The following NEB variants were observed in gnomAD, a reference collection of about 807,000 sequenced individuals.
NEB encodes the protein nebulin.
NEB carries 512 observed loss-of-function variants against 952.2 expected under a neutral mutation model. That is an observed-to-expected ratio of 0.54 (90% confidence interval 0.50 to 0.58). The LOEUF is 0.58. Ranked by LOEUF, NEB falls within the 20% of genes least tolerant of loss-of-function variation. The pLI is 0.00. For synonymous variants in NEB, 2,900 were observed against 3,149.8 expected, an observed-to-expected ratio of 0.92 and a Z score of 2.66; for missense variants, 8,428 against 9,231.1, an observed-to-expected ratio of 0.91 and a Z score of 3.56.
chr2:151,573,779 A>G (rs180884188), intron 107 of NEB, among the ~76,000 whole-genome samples: 1 of 152,148 alleles, frequency 6.6e-6, no homozygotes, highest in Non-Finnish European at 1.5e-5. Context: ...TCTGCGATCC[A>G]TGAAAATGGT....
intron 56 of NEB, 73 bp from the exon 57 acceptor site, chr2:151,644,202 C>T (rs560950509): frequency 2.3e-5 from 35 of 1,543,518 alleles, no homozygotes; most frequent in Admixed American, 1.3e-4. Flanking sequence ...AATTACAAAG[C>T]GCATTAACTC....
intron 167 of NEB, among the ~76,000 whole-genome samples, chr2:151,502,110 A>G (rs916846378): frequency 1.3e-5 from 2 of 152,214 alleles, no homozygotes; most frequent in African/African-American, 4.8e-5. Context: ...TAAGTGAAGT[A>G]ACTCAGGAAT....
chr2:151,503,730 C>T (rs560707978), intron 165 of NEB, among the ~76,000 whole-genome samples: 47 of 152,214 alleles, frequency 3.1e-4, no homozygotes, highest in Non-Finnish European at 5.6e-4. Flanking sequence ...AAAATCTAAC[C>T]ATTTTGTTGC....
intron 168 of NEB, among the ~76,000 whole-genome samples, chr2:151,500,974 A>ATGT (rs2064029669): frequency 6.6e-6 from 1 of 152,164 alleles, no homozygotes; most frequent in African/African-American, 2.4e-5. Context: ...AATAGGGTCT[A>ATGT]TGTTAAGATG....
intron 45 of NEB, 140 bp downstream of exon 45, chr2:151,663,408 A>G (rs1045291025): frequency 1.2e-6 from 1 of 840,862 alleles, no homozygotes; most frequent in Non-Finnish European, 1.8e-6. Flanking sequence ...CATGAATTCA[A>G]TCTAAGGTAA....
chr2:151,707,532 G>A (rs2099713065), intron 12 of NEB, among the ~76,000 whole-genome samples: 1 of 152,188 alleles, frequency 6.6e-6, no homozygotes, highest in Non-Finnish European at 1.5e-5. Flanking sequence ...GGAGGATGGA[G>A]CAGGGAGAAG....
At chr2:151,548,517 C>T (rs1559797207) in intron 130 of NEB, 102 bp from the exon 131 acceptor site, 30 of 853,986 alleles carry the variant, frequency 3.5e-5, no homozygotes, top group East Asian at 7.7e-5. Flanking sequence ...TGAAAAATTG[C>T]TCTTTTTAAG....
At chr2:151,657,022 G>T (rs1448169078) in intron 48 of NEB, among the ~76,000 whole-genome samples, 3 of 152,072 alleles carry the variant, frequency 2.0e-5, no homozygotes, top group Non-Finnish European at 4.4e-5. Context: ...TGCTATAATG[G>T]GGAAGAAATT....
At chr2:151,493,033 G>A (rs988892061) in intron 176 of NEB, 1 of 270,248 alleles carries the variant, frequency 3.7e-6, no homozygotes, top group African/African-American at 2.3e-5. Context: ...GATTGAGGAT[G>A]TTAGGAAGTA....
intron 10 of NEB, chr2:151,715,994 A>T (rs1251025292): frequency 3.8e-6 from 1 of 263,940 alleles, no homozygotes; most frequent in Non-Finnish European, 7.7e-6. Context: ...TATCTTTTAA[A>T]ATAGACTTTA....
chr2:151,537,133 T>A lies in NEB; in HGVS notation c.21206A>T (p.Lys7069Met). Residue 7069 changes from lysine to methionine, a missense_variant and splice_region_variant, in exon 141 of 182, where the codon AAG becomes ATG. Lys to Met is a moderately conservative substitution (Grantham distance 95, BLOSUM62 -1). This residue lies in a region of NEB where 3,374 missense variants were observed against 3,651.5 expected (regional missense o/e 0.92). Transcript: ENST00000397345. ...CCAATTCTCCTTGAGTATATATACC[T>A]TGCTGTAGAGAGTCTTGTTCTTTTC... ...LAEKNKTLYSKYKYKEVFERT... is the reference protein window; with the variant it reads ...LAEKNKTLYSMYKYKEVFERT... 1.9e-6 allele frequency: 3 copies of A among 1,598,798 alleles called. No individual in the cohort carries two copies. The highest frequency in any genetic ancestry group is 1.3e-5 in the African/African-American group (1 of 74,664).
intron 64 of NEB, 43 bp downstream of exon 64, chr2:151,636,183 CA>C: frequency 6.7e-7 from 1 of 1,483,014 alleles, no homozygotes. Flanking sequence ...GTGAAAATGC[CA>C]CATTAGATTG....
intron 141 of NEB, among the ~76,000 whole-genome samples, chr2:151,536,825 A>G (rs1266966544): frequency 6.6e-6 from 1 of 152,222 alleles, no homozygotes; most frequent in African/African-American, 2.4e-5. Context: ...CCCACTTTAT[A>G]TTGGCTGTCA....
rs1221868279 is a variant in NEB, at chr2:151,565,600, T to C, written c.18267A>G (p.Lys6089=). 3 of 1,589,198 alleles carry C rather than the reference T, an allele frequency of 1.9e-6. No individual in the cohort carries two copies. The highest frequency in any genetic ancestry group is 2.6e-6 in the Non-Finnish European group (3 of 1,160,760). The change falls in exon 116 of 182, where the codon AAA becomes AAG. Residue 6089 remains lysine, a synonymous_variant. Coordinates refer to ENST00000397345, the MANE Select transcript of NEB (RefSeq NM_001164508.2). The stretch of plus-strand genomic sequence containing the variant: ...AGTTTTCAAGGGCATTTTTCTTATA[T>C]TTGATCTGTAAAGAAACGGAGACAA... The part of the protein sequence containing the change: ...TKNQEMMSQI[K]YKKNALENYP...
In NEB at chr2:151,633,997, T is replaced by C. The variant is rs1295326262; in HGVS notation, c.9103-32A>G. 11 of 1,596,724 alleles carry C rather than the reference T, an allele frequency of 6.9e-6. No individual in the cohort carries two copies. The East Asian group carries it at 2.0e-4, about 29-fold the overall frequency. ...TGAAAATGCACAAATCAGGTTTTTA[T>C]TGTAACCCCTTAGAGGCCACAAGTC... On this transcript the variant is annotated intron_variant, in intron 64 of 181. Coordinates refer to ENST00000397345, the MANE Select transcript of NEB (RefSeq NM_001164508.2).
intron 75 of NEB, 53 bp downstream of exon 75, chr2:151,617,311 A>T: frequency 8.1e-7 from 1 of 1,233,230 alleles, no homozygotes; most frequent in Non-Finnish European, 1.2e-6. Flanking sequence ...GGAAACAGCT[A>T]CAGTGGTTCA....
At chr2:151,518,507 C>T (rs2079553570) in intron 155 of NEB, 85 bp from the exon 156 acceptor site, 1 of 822,116 alleles carries the variant, frequency 1.2e-6, no homozygotes, top group Admixed American at 2.1e-5. Flanking sequence ...GACGTTTACA[C>T]AGCACCATTG....
In NEB at chr2:151,531,003, T is replaced by A; in HGVS notation, c.21621A>T (p.Glu7207Asp). ...CCATTCTAGTACTTACATCACTGAC[T>A]TCATCTTTAACCTTGCGGACATGCA... ...MLLHVRKVKD[E>D]VSDLKYKEVY... is the part of the protein sequence containing the mutation. Residue 7207 changes from glutamate (E) to aspartate (D), a missense_variant, in exon 145 of 182, where the codon GAA becomes GAT. This residue lies in a region of NEB where 3,374 missense variants were observed against 3,651.5 expected (regional missense o/e 0.92). Coordinates refer to ENST00000397345, the MANE Select transcript of NEB (RefSeq NM_001164508.2). 1 of 1,610,568 alleles carries A rather than the reference T, an allele frequency of 6.2e-7. No homozygotes were observed. Among genetic ancestry groups the A allele is most frequent in the Non-Finnish European group, 8.5e-7 (1 of 1,177,164 alleles).
chr2:151,550,394 C>T (rs960303830), intron 129 of NEB, among the ~76,000 whole-genome samples: 2 of 152,024 alleles, frequency 1.3e-5, no homozygotes, highest in African/African-American at 4.8e-5. Flanking sequence ...TTCACCTCTG[C>T]CATTACTCCA....
Sources: allele counts gnomAD v4.1 joint callset (sites outside exome capture counted in the v4.1 genomes callset), GRCh38; gene constraint gnomAD v4.1.1; regional missense constraint gnomAD v4.1.1; transcripts MANE v1.5; gene names NCBI Gene and HGNC (gene_info 2026-07-23, HGNC 2026-07-21).